ZNF22: variants seen among roughly 807,000 people sequenced by gnomAD.
ZNF22 encodes the protein krox-26 protein.
A neutral mutation model predicts 17.0 loss-of-function variants in ZNF22; 15 were observed. The observed-to-expected ratio is 0.88, with a 90% confidence interval of 0.59 to 1.36. The LOEUF is 1.36. Ranked by LOEUF, ZNF22 falls within the 40% of genes most tolerant of loss-of-function variation. The pLI is 0.00. For missense variants in ZNF22, 272 were observed against 276.1 expected (o/e 0.98, Z 0.11); for synonymous variants, 84 against 90.7 (o/e 0.93, Z 0.42).
At position 45,003,856 on chromosome 10, in the gene ZNF22, G is replaced by T. The variant is rs758073046; in HGVS notation, c.488G>T (p.Gly163Val). 35 of 1,614,040 alleles carry T rather than the reference G, an allele frequency of 2.2e-5. No individual in the cohort carries two copies. In the Admixed American group the frequency reaches 4.0e-4, roughly 18 times the overall value. ...ATTCAACATCAGAGAACCCACACTG[G>T]GGAGAAACCCTACCAGTGCAGTGAA... ...HLIQHQRTHTGEKPYQCSECG... is the reference protein window; with the variant it reads ...HLIQHQRTHTVEKPYQCSECG... Residue 163 changes from glycine (G) to valine (V), a missense_variant, in exon 2 of 2, where the codon GGG becomes GTG. Gly to Val is a moderately radical substitution (Grantham distance 109). Transcript: ENST00000298299.
intron 1 of ZNF22, among the ~76,000 whole-genome samples, chr10:45,001,212 G>T (rs1036013317): frequency 5.9e-5 from 9 of 151,380 alleles, no homozygotes; most frequent in African/African-American, 1.9e-4. Flanking sequence ...GCGGCCGGCG[G>T]AGTGCTGGGA....
chr10:45,004,697 T>C lies in ZNF22; in HGVS notation c.*654T>C, dbSNP rs1316799233. ...CCCTTTTTTTGTTTTGTTTGTTTTGTTTTTTTTAACCAAATTCTTAGAGAT... is the reference window on the plus strand; with the variant it reads ...CCCTTTTTTTGTTTTGTTTGTTTTGCTTTTTTTAACCAAATTCTTAGAGAT... On this transcript the variant is annotated 3_prime_UTR_variant, in exon 2 of 2. Transcript: ENST00000298299. The C allele has an allele frequency of 1.2e-5, 2 of 166,788 alleles. No individual in the cohort carries two copies. Among genetic ancestry groups the C allele is most frequent in the Non-Finnish European group, 2.9e-5 (2 of 68,064 alleles). The allele number at this position is 166,788 out of a possible 1,614,324, so 10.3% of individuals were successfully genotyped here. A position where few individuals can be genotyped will look rare whatever the true frequency, so the allele number is the denominator to read the frequency against.
At position 45,003,819 on chromosome 10, in the gene ZNF22, A is replaced by G; in HGVS notation, c.451A>G (p.Ser151Gly). Residue 151 changes from serine (S) to glycine (G), a missense_variant, in exon 2 of 2, where the codon AGC becomes GGC. By Grantham distance (56) the Ser-to-Gly change is moderately conservative. Coordinates refer to ENST00000298299, the MANE Select transcript of ZNF22 (RefSeq NM_006963.5). ...TGAGTGTGGCCGGTGTTTCAGCCAGAGCTCCCACCTTATTCAACATCAGAG... is the reference window on the plus strand; with the variant it reads ...TGAGTGTGGCCGGTGTTTCAGCCAGGGCTCCCACCTTATTCAACATCAGAG... ...CDECGRCFSQ[S>G]SHLIQHQRTH... The G allele has an allele frequency of 6.2e-7, 1 of 1,614,162 alleles. No homozygotes were observed. The highest frequency in any genetic ancestry group is 1.1e-5 in the South Asian group (1 of 91,084).
chr10:45,004,433 G>A lies in ZNF22; in HGVS notation c.*390G>A, dbSNP rs1004364390. On this transcript the variant is annotated 3_prime_UTR_variant, in exon 2 of 2. Transcript: ENST00000298299. ...CATGCCAATGACTACTCAGTTTTAGGACTTTCTGTGGAAGAAAAAAGGGAG... is the reference window on the plus strand; with the variant it reads ...CATGCCAATGACTACTCAGTTTTAGAACTTTCTGTGGAAGAAAAAAGGGAG... 11 of 98,406 alleles carry A rather than the reference G, an allele frequency of 1.1e-4. No individual in the cohort carries two copies. Among genetic ancestry groups the A allele is most frequent in the African/African-American group, 4.4e-4 (10 of 22,762 alleles). The allele number at this position is 98,406 out of a possible 1,614,324, so 6.1% of individuals were successfully genotyped here.
At chr10:45,001,560 C>T (rs1324212649) in intron 1 of ZNF22, among the ~76,000 whole-genome samples, 2 of 152,182 alleles carry the variant, frequency 1.3e-5, no homozygotes, top group African/African-American at 2.4e-5. Context: ...ATGCAAAGCA[C>T]GGGTCGCCGC....
Position 45,004,151 on chromosome 10 carries a change from A to G in ZNF22, c.*108A>G. 2 of 1,189,892 alleles carry G rather than the reference A, an allele frequency of 1.7e-6. No homozygotes were observed. The highest frequency in any genetic ancestry group is 2.3e-6 in the Non-Finnish European group (2 of 864,296). 73.7% of individuals were successfully genotyped at this position (1,189,892 alleles called of 1,614,324 possible). ...GAGATGCTTTATAGTAGATCACTTA[A>G]ATACTGGATCTTTTGCTAGTGTGAA... On this transcript the variant is annotated 3_prime_UTR_variant, in exon 2 of 2. Transcript: ENST00000298299.
intron 1 of ZNF22, chr10:45,002,897 A>T (rs1842345623): frequency 6.5e-6 from 1 of 153,324 alleles, no homozygotes; most frequent in African/African-American, 2.4e-5. Context: ...TGTCTTTTGG[A>T]GTTACTCCAT....
Position 45,003,244 on chromosome 10 carries a change from T to G in ZNF22, c.-89-36T>G, listed in dbSNP as rs1588861093. The G allele has an allele frequency of 3.6e-6, 3 of 827,028 alleles. No homozygotes were observed. The African/African-American group carries it at 5.2e-5, about 14-fold the overall frequency. 51.2% of individuals were successfully genotyped at this position (827,028 alleles called of 1,614,324 possible). A position where few individuals can be genotyped will look rare whatever the true frequency, so the allele number is the denominator to read the frequency against. ...TAACAGATATCTGTAATTTTTTTTCTGATCATCTCTAAATTTTTTTTCCTT... is the reference window on the plus strand; with the variant it reads ...TAACAGATATCTGTAATTTTTTTTCGGATCATCTCTAAATTTTTTTTCCTT... On this transcript the variant is annotated intron_variant, in intron 1 of 1. Transcript: ENST00000298299.
intron 1 of ZNF22, chr10:45,002,865 G>A (rs183338767): frequency 2.0e-5 from 3 of 152,886 alleles, no homozygotes; most frequent in Admixed American, 2.0e-4. Context: ...GCATAGTAAT[G>A]TTCTGTTACA....
rs531419776 is a variant in ZNF22 at position 45,000,951 on chromosome 10, G to A, written c.-117G>A. 4.6e-3 allele frequency: 4,608 copies of A among 1,011,644 alleles called. 31 individuals carry two copies. The highest frequency in any genetic ancestry group is 0.031 in the Middle Eastern group (69 of 2,198). The allele number at this position is 1,011,644 out of a possible 1,614,324, so 62.7% of individuals were successfully genotyped here. On this transcript the variant is annotated 5_prime_UTR_variant, in exon 1 of 2. Coordinates refer to ENST00000298299, the MANE Select transcript of ZNF22 (RefSeq NM_006963.5). ...TCCGGCGGCGCGGGAGGCGCCCAGCGAGCCAGAGTGGTGGCTGGTCCCGCG... is the reference window on the plus strand; with the variant it reads ...TCCGGCGGCGCGGGAGGCGCCCAGCAAGCCAGAGTGGTGGCTGGTCCCGCG...
In ZNF22 at chr10:45,003,976, G is replaced by A. The variant is rs766101062; in HGVS notation, c.608G>A (p.Arg203Lys). The A allele has an allele frequency of 1.2e-6, 2 of 1,614,108 alleles. No individual in the cohort carries two copies. Among genetic ancestry groups the A allele is most frequent in the Non-Finnish European group, 1.7e-6 (2 of 1,180,034 alleles). ...KPRKTRGKNI[R>K]VKTHLPSWKA... is the part of the protein sequence containing the mutation. ...CGTAAAACCCGGGGCAAAAATATCA[G>A]GGTGAAGACTCACTTACCCTCTTGG... Residue 203 changes from arginine (R) to lysine (K), a missense_variant, in exon 2 of 2, where the codon AGG becomes AAG. Coordinates refer to ENST00000298299, the MANE Select transcript of ZNF22 (RefSeq NM_006963.5).
chr10:45,003,377 A>T lies in ZNF22; in HGVS notation c.9A>T (p.Leu3Phe). MR[L>F]AKPKAGISRS... ...ACATTTGGTTATTCACCATGAGGTT[A>T]GCAAAGCCTAAAGCGGGTATTTCTC... The change falls in exon 2 of 2, where the codon TTA becomes TTT. Residue 3 changes from leucine (L) to phenylalanine (F), a missense_variant. Transcript: ENST00000298299. 4 of 1,597,416 alleles carry T rather than the reference A, an allele frequency of 2.5e-6. No homozygotes were observed. Among genetic ancestry groups the T allele is most frequent in the Non-Finnish European group, 3.4e-6 (4 of 1,172,936 alleles).
Position 45,003,450 on chromosome 10 carries a change from C to A in ZNF22, c.82C>A (p.Arg28=), listed in dbSNP as rs752505124. 12 of 1,614,062 alleles carry A rather than the reference C, an allele frequency of 7.4e-6. No homozygotes were observed. The Middle Eastern group carries it at 4.9e-4, about 66-fold the overall frequency. ...KAYENKRKTG[R]QRQKWGMTIR... ...CTATGAGAACAAGCGCAAAACAGGCCGGCAGCGGCAGAAGTGGGGCATGAC... is the reference window on the plus strand; with the variant it reads ...CTATGAGAACAAGCGCAAAACAGGCAGGCAGCGGCAGAAGTGGGGCATGAC... The change falls in exon 2 of 2, where the codon CGG becomes AGG. Residue 28 remains arginine, a synonymous_variant. Transcript: ENST00000298299.
rs766441217 is a variant in ZNF22, at chr10:45,003,697, C to G, written c.329C>G (p.Pro110Arg). ...CGACGGATCCATACGGGGGAAAAGCCCTACAAATGTGATGAGTGTGGAGAA... is the reference window on the plus strand; with the variant it reads ...CGACGGATCCATACGGGGGAAAAGCGCTACAAATGTGATGAGTGTGGAGAA... ...QHRRIHTGEKPYKCDECGESF... is the reference protein window; with the variant it reads ...QHRRIHTGEKRYKCDECGESF... The change falls in exon 2 of 2, where the codon CCC becomes CGC. Residue 110 changes from proline to arginine, a missense_variant. By Grantham distance (103) the Pro-to-Arg change is moderately radical. Transcript: ENST00000298299. The G allele has an allele frequency of 1.2e-6, 2 of 1,614,168 alleles. No individual in the cohort carries two copies. The highest frequency in any genetic ancestry group is 1.7e-6 in the Non-Finnish European group (2 of 1,180,044).
rs1052500959 is a variant in ZNF22 at position 45,004,297 on chromosome 10, A to T, written c.*254A>T. On this transcript the variant is annotated 3_prime_UTR_variant, in exon 2 of 2. Transcript: ENST00000298299. ...TGAAAATATGTTTTGAGGGAGCATG[A>T]CATCCTTGACCTCATTTGAAATTAC... 7 of 404,404 alleles carry T rather than the reference A, an allele frequency of 1.7e-5. No individual in the cohort carries two copies. In the East Asian group the frequency reaches 2.9e-4, roughly 17 times the overall value. The allele number at this position is 404,404 out of a possible 1,614,324, so 25.1% of individuals were successfully genotyped here.
At position 45,003,524 on chromosome 10, in the gene ZNF22, C is replaced by A. The variant is rs1448044945; in HGVS notation, c.156C>A (p.Asp52Glu). The change falls in exon 2 of 2, where the codon GAC (aspartate) becomes GAA (glutamate). Residue 52 changes from aspartate (D) to glutamate (E), a missense_variant. Physicochemically the swap from Asp to Glu is conservative, Grantham distance 45. Coordinates refer to ENST00000298299, the MANE Select transcript of ZNF22 (RefSeq NM_006963.5). Reference protein sequence around the residue: ...SFSRLRRSLDDKPYKCTECEK... With the variant: ...SFSRLRRSLDEKPYKCTECEK... ...GTAGACTCAGAAGAAGCTTGGATGA[C>A]AAACCCTATAAATGTACTGAATGTG... 3 of 1,614,230 alleles carry A rather than the reference C, an allele frequency of 1.9e-6. No individual in the cohort carries two copies. The highest frequency in any genetic ancestry group is 4.5e-5 in the East Asian group (2 of 44,890).
Position 45,004,620 on chromosome 10 carries a change from T to C in ZNF22, c.*577T>C, listed in dbSNP as rs1842359814. ...CAGTAAGGCCTATCTATATTAGTTG[T>C]CTTTTATTTCTTCTCCTTGTGGACA... On this transcript the variant is annotated 3_prime_UTR_variant, in exon 2 of 2. Transcript: ENST00000298299. 1 of 166,584 alleles carries C rather than the reference T, an allele frequency of 6.0e-6. No individual in the cohort carries two copies. Among genetic ancestry groups the C allele is most frequent in the African/African-American group, 2.4e-5 (1 of 41,468 alleles). The allele number at this position is 166,584 out of a possible 1,614,324, so 10.3% of individuals were successfully genotyped here.
In ZNF22 at chr10:45,004,128, G is replaced by A; in HGVS notation, c.*85G>A. On this transcript the variant is annotated 3_prime_UTR_variant, in exon 2 of 2. Transcript: ENST00000298299. Reference sequence around the variant, plus strand: ...GAAAGGAATCTTTTTTAGAAATAGAGATGCTTTATAGTAGATCACTTAAAT... The same window carrying A: ...GAAAGGAATCTTTTTTAGAAATAGAAATGCTTTATAGTAGATCACTTAAAT... The A allele has an allele frequency of 1.4e-6, 2 of 1,390,500 alleles. No homozygotes were observed. Among genetic ancestry groups the A allele is most frequent in the Non-Finnish European group, 1.9e-6 (2 of 1,027,100 alleles). The allele number at this position is 1,390,500 out of a possible 1,614,324, so 86.1% of individuals were successfully genotyped here. A position where few individuals can be genotyped will look rare whatever the true frequency, so the allele number is the denominator to read the frequency against.
At position 45,003,804 on chromosome 10, in the gene ZNF22, C is replaced by T. The variant is rs761712923; in HGVS notation, c.436C>T (p.Arg146Trp). Residue 146 changes from arginine (R) to tryptophan (W), a missense_variant, in exon 2 of 2, where the codon CGG becomes TGG. Coordinates refer to ENST00000298299, the MANE Select transcript of ZNF22 (RefSeq NM_006963.5). The part of the protein sequence containing the change: ...EKPYQCDECG[R>W]CFSQSSHLIQ... ...ACCCTATCAGTGTGATGAGTGTGGC[C>T]GGTGTTTCAGCCAGAGCTCCCACCT... 4.3e-6 allele frequency: 7 copies of T among 1,614,074 alleles called. No homozygotes were observed. Among genetic ancestry groups the T allele is most frequent in the Non-Finnish European group, 5.1e-6 (6 of 1,179,998 alleles).
Sources: gnomAD v4.1 joint callset for allele counts (sites outside exome capture counted in the v4.1 genomes callset) on GRCh38, gnomAD v4.1.1 for gene constraint, MANE v1.5 for transcripts, NCBI Gene and HGNC (gene_info 2026-07-23, HGNC 2026-07-21) for gene names.